Variants in GRK5 observed in about 807,000 individuals in gnomAD.
GRK5 encodes g protein-coupled receptor kinase GRK5.
In GRK5, 40 loss-of-function variants were observed where a neutral mutation model predicts 78.4. The ratio of observed to expected loss-of-function variants is 0.51; its 90% CI spans 0.40 to 0.66. The LOEUF is 0.66. Ranked by LOEUF, GRK5 falls within the 30% of genes least tolerant of loss-of-function variation. GRK5 has a pLI of 0.00. For synonymous variants in GRK5, 289 were observed against 296.8 expected, an observed-to-expected ratio of 0.97 and a Z score of 0.27; for missense variants, 598 against 759.9, an observed-to-expected ratio of 0.79 and a Z score of 2.50.
intron 3 of GRK5, among the ~76,000 whole-genome samples, chr10:119,386,465 A>T (rs902165826): frequency 2.0e-5 from 3 of 152,136 alleles, no homozygotes; most frequent in African/African-American, 7.2e-5. Context: ...GGGGGAAAAA[A>T]ATCCAATGGA....
intron 1 of GRK5, among the ~76,000 whole-genome samples, chr10:119,248,448 C>T (rs776545718): frequency 2.6e-5 from 4 of 152,116 alleles, no homozygotes; most frequent in Admixed American, 2.0e-4. Flanking sequence ...TCCTGCAGGG[C>T]GTTCCATAAT....
intron 1 of GRK5, among the ~76,000 whole-genome samples, chr10:119,303,497 G>T (rs1052572603): frequency 6.6e-6 from 1 of 152,202 alleles, no homozygotes; most frequent in Admixed American, 6.5e-5. Context: ...GGTCTCCATG[G>T]GCCGGGAGGA....
At chr10:119,224,065 A>G (rs887523849) in intron 1 of GRK5, among the ~76,000 whole-genome samples, 2 of 152,204 alleles carry the variant, frequency 1.3e-5, no homozygotes, top group Non-Finnish European at 2.9e-5. Context: ...CAAGCCAGGA[A>G]GATCACTTGA....
intron 2 of GRK5, among the ~76,000 whole-genome samples, chr10:119,343,170 G>C (rs891345088): frequency 3.9e-5 from 6 of 152,228 alleles, no homozygotes; most frequent in African/African-American, 1.4e-4. Flanking sequence ...GCGGGTGGCT[G>C]CCAAGGTCCA....
chr10:119,358,471 G>T (rs1392956019), intron 2 of GRK5, among the ~76,000 whole-genome samples: 4 of 152,110 alleles, frequency 2.6e-5, no homozygotes, highest in Non-Finnish European at 5.9e-5. Flanking sequence ...CAGCCTGGCC[G>T]CCTTCTCCTG....
chr10:119,339,745 T>G (rs1334659802), intron 2 of GRK5, among the ~76,000 whole-genome samples: 6 of 151,970 alleles, frequency 3.9e-5, no homozygotes, highest in Non-Finnish European at 8.8e-5. Context: ...ATACAAAAAA[T>G]TAGTCAGGCT....
intron 8 of GRK5, among the ~76,000 whole-genome samples, chr10:119,436,168 C>A (rs1203403941): frequency 6.6e-6 from 1 of 152,210 alleles, no homozygotes; most frequent in East Asian, 1.9e-4. Context: ...CTAGGCACAT[C>A]CTGCATGCAA....
chr10:119,340,468 A>T (rs2133783599), intron 2 of GRK5, among the ~76,000 whole-genome samples: 1 of 152,356 alleles, frequency 6.6e-6, no homozygotes, highest in South Asian at 2.1e-4. Flanking sequence ...TACAAAAATA[A>T]TATATGTCAA....
intron 1 of GRK5, among the ~76,000 whole-genome samples, chr10:119,256,169 A>G: frequency 6.6e-6 from 1 of 151,698 alleles, no homozygotes. Flanking sequence ...TGTCCCAGGA[A>G]AGCCTCCCAG....
chr10:119,361,813 T>C (rs936890720), intron 2 of GRK5, among the ~76,000 whole-genome samples: 3 of 151,824 alleles, frequency 2.0e-5, no homozygotes, highest in Non-Finnish European at 2.9e-5. Context: ...ATACAAAAAT[T>C]AGCCAGGCGT....
intron 2 of GRK5, among the ~76,000 whole-genome samples, chr10:119,354,726 A>G (rs543247410): frequency 1.3e-5 from 2 of 152,286 alleles, no homozygotes; most frequent in Non-Finnish European, 2.9e-5. Flanking sequence ...ATAATATTCC[A>G]TTGTACAGTT....
At chr10:119,332,678 CTA>C (rs1294594193) in intron 2 of GRK5, among the ~76,000 whole-genome samples, 1 of 152,218 alleles carries the variant, frequency 6.6e-6, no homozygotes, top group Non-Finnish European at 1.5e-5. Flanking sequence ...CTGTGCTGCC[CTA>C]TGTGAGCTGG....
Position 119,207,742 on chromosome 10 carries a change from T to C in GRK5, c.-176T>C, listed in dbSNP as rs1450977336. 1.1e-5 allele frequency: 6 copies of C among 568,092 alleles called. No homozygotes were observed. Among genetic ancestry groups the C allele is most frequent in the Non-Finnish European group, 1.8e-5 (6 of 340,514 alleles). The allele number at this position is 568,092 out of a possible 1,614,324, so 35.2% of individuals were successfully genotyped here. Reference sequence around the variant, plus strand: ...GGCGGCGGCGGCGGCGGCTCCTCTTTGCAGAGGGGGAAACTCTTGGGCTGA... The same window carrying C: ...GGCGGCGGCGGCGGCGGCTCCTCTTCGCAGAGGGGGAAACTCTTGGGCTGA... On this transcript the variant is annotated 5_prime_UTR_variant, in exon 1 of 16. Coordinates refer to ENST00000392870, the MANE Select transcript of GRK5 (RefSeq NM_005308.3).
chr10:119,405,216 G>A (rs1185479055), intron 4 of GRK5, among the ~76,000 whole-genome samples: 1 of 152,144 alleles, frequency 6.6e-6, no homozygotes, highest in Non-Finnish European at 1.5e-5. Flanking sequence ...GTGGGTTGGG[G>A]CAGGCTTCTG....
intron 1 of GRK5, among the ~76,000 whole-genome samples, chr10:119,321,235 G>A (rs1564890184): frequency 6.6e-6 from 1 of 152,142 alleles, no homozygotes; most frequent in Non-Finnish European, 1.5e-5. Flanking sequence ...GCCATTCTGG[G>A]GTCTGCTGTC....
chr10:119,221,923 G>A lies in GRK5; in HGVS notation c.52+13954G>A, dbSNP rs1326132236. On this transcript the variant is annotated intron_variant, in intron 1 of 15. Transcript: ENST00000392870. ...CAAAGTTTGAATTAGGGAAATTAAG[G>A]TTGAGTTCAGTCAAAGACTTTAGTT... Among the ~76,000 whole-genome samples the A allele has an allele frequency of 2.0e-5, 3 of 152,148 alleles. No homozygotes were observed. The East Asian group carries it at 5.8e-4, about 29-fold the overall frequency.
intron 2 of GRK5, among the ~76,000 whole-genome samples, chr10:119,359,582 G>A (rs11593975): frequency 0.013 from 2,029 of 152,348 alleles, 20 homozygotes; most frequent in Middle Eastern, 0.041. Context: ...ACTGCATGTG[G>A]CAGCTGCCCC....
chr10:119,303,778 G>C (rs1039734091), intron 1 of GRK5, among the ~76,000 whole-genome samples: 5 of 151,776 alleles, frequency 3.3e-5, no homozygotes, highest in African/African-American at 1.2e-4. Context: ...TAGGGAGGGG[G>C]ACAGGTATGG....
intron 2 of GRK5, among the ~76,000 whole-genome samples, chr10:119,356,884 G>A (rs1851269870): frequency 6.6e-6 from 1 of 152,238 alleles, no homozygotes; most frequent in South Asian, 2.1e-4. Flanking sequence ...AACGATAAAG[G>A]CTTTGCTTTA....
Sources: allele counts gnomAD v4.1 joint callset (sites outside exome capture counted in the v4.1 genomes callset), GRCh38; gene constraint gnomAD v4.1.1; transcripts MANE v1.5; gene names NCBI Gene and HGNC (gene_info 2026-07-23, HGNC 2026-07-21).